Variants in RIOK1 observed in about 807,000 individuals in gnomAD.
The protein encoded by RIOK1 is serine/threonine-protein kinase RIO1.
A neutral mutation model predicts 73.5 loss-of-function variants in RIOK1; 66 were observed. The ratio of observed to expected loss-of-function variants is 0.90; its 90% confidence interval spans 0.74 to 1.10. The LOEUF (loss-of-function observed/expected upper bound fraction) is 1.10. Among genes scored for constraint, RIOK1 ranks in the 50% least tolerant of loss-of-function variants. The pLI, the probability that RIOK1 is intolerant of heterozygous loss-of-function variation, is 0.00. For synonymous variants in RIOK1, 224 were observed against 226.8 expected (o/e 0.99, Z 0.11); for missense variants, 658 against 699.8 (o/e 0.94, Z 0.67).
intron 12 of RIOK1, among the ~76,000 whole-genome samples, chr6:7,408,701 A>C (rs989804564): frequency 1.1e-4 from 16 of 151,062 alleles, no homozygotes; most frequent in African/African-American, 3.6e-4. Context: ...TTTTTAACTT[A>C]GCACTGACTT....
At chr6:7,402,960 C>T in intron 8 of RIOK1, 63 bp downstream of exon 8, 1 of 1,423,878 alleles carries the variant, frequency 7.0e-7, no homozygotes, top group Non-Finnish European at 9.7e-7. Flanking sequence ...AGCCCTTCCT[C>T]CCAGCAGATC....
rs1230765261 is a variant in RIOK1 at position 7,393,133 on chromosome 6, G to T, written c.106G>T (p.Asp36Tyr). The T allele has an allele frequency of 6.2e-7, 1 of 1,613,922 alleles. No individual in the cohort carries two copies. ...AGACTTGAAGACAGTCAAAGAGAAG[G>T]ATGACATTCTGTTTGAAGACCTTCA... Reference protein sequence around the residue: ...NRDLKTVKEKDDILFEDLQDN... With the variant: ...NRDLKTVKEKYDILFEDLQDN... The change falls in exon 2 of 17, where the codon GAT becomes TAT. Residue 36 changes from aspartate (D) to tyrosine (Y), a missense_variant. Asp to Tyr is a radical substitution (Grantham distance 160, BLOSUM62 -3). Coordinates refer to ENST00000379834, the MANE Select transcript of RIOK1 (RefSeq NM_031480.3).
intron 5 of RIOK1, among the ~76,000 whole-genome samples, chr6:7,400,720 G>A (rs1018887309): frequency 3.9e-5 from 6 of 152,152 alleles, no homozygotes; most frequent in African/African-American, 1.4e-4. Flanking sequence ...GGTTGCCTTT[G>A]ATTTCCATGA....
intron 4 of RIOK1, 147 bp downstream of exon 4, chr6:7,396,919 G>GTGTA (rs1400475061): frequency 1.2e-5 from 6 of 517,718 alleles, no homozygotes; most frequent in Non-Finnish European, 1.4e-5. Context: ...GTGTGTGTGT[G>GTGTA]TTTTCCTTAG....
At chr6:7,402,739 G>C in intron 7 of RIOK1, 24 bp downstream of exon 7, 1 of 1,605,664 alleles carries the variant, frequency 6.2e-7, no homozygotes, top group Non-Finnish European at 8.5e-7. Flanking sequence ...TTTCCCTCCA[G>C]TTGGTTTAAT....
chr6:7,398,014 C>A (rs1008112478), intron 4 of RIOK1, among the ~76,000 whole-genome samples: 4 of 152,112 alleles, frequency 2.6e-5, no homozygotes, highest in Non-Finnish European at 1.5e-5. Flanking sequence ...TGGCGGCGGG[C>A]GCCTGTAGTC....
At chr6:7,412,554 G>C (rs2113529085) in intron 14 of RIOK1, among the ~76,000 whole-genome samples, 1 of 151,950 alleles carries the variant, frequency 6.6e-6, no homozygotes, top group Middle Eastern at 3.4e-3. Flanking sequence ...AGGAGGCTGA[G>C]GCAGGAGAAT....
chr6:7,414,462 G>A (rs991261438), intron 16 of RIOK1, 72 bp downstream of exon 16: 3 of 1,332,970 alleles, frequency 2.3e-6, no homozygotes, highest in African/African-American at 2.9e-5. Flanking sequence ...TTTGCTCAAG[G>A]ATCTAGCTAG....
At chr6:7,392,476 A>T (rs1261749060) in intron 1 of RIOK1, among the ~76,000 whole-genome samples, 1 of 151,790 alleles carries the variant, frequency 6.6e-6, no homozygotes, top group Admixed American at 6.6e-5. Flanking sequence ...GTTCAAAGTA[A>T]GACTGCCTTA....
intron 5 of RIOK1, among the ~76,000 whole-genome samples, chr6:7,399,665 T>C (rs945856741): frequency 1.3e-5 from 2 of 152,208 alleles, no homozygotes; most frequent in Non-Finnish European, 2.9e-5. Context: ...TCTGGTTTGT[T>C]ACTTCTTCCT....
chr6:7,411,588 T>C, intron 14 of RIOK1, 137 bp downstream of exon 14: 1 of 858,040 alleles, frequency 1.2e-6, no homozygotes, highest in Non-Finnish European at 1.8e-6. Flanking sequence ...ACTCTATCTG[T>C]GTTAACTTGT....
chr6:7,408,547 C>T (rs991039342), intron 12 of RIOK1, among the ~76,000 whole-genome samples: 1 of 152,128 alleles, frequency 6.6e-6, no homozygotes, highest in African/African-American at 2.4e-5. Context: ...ACTTATTATA[C>T]TAAGTCCCTA....
At chr6:7,395,294 A>T in intron 3 of RIOK1, 151 bp downstream of exon 3, 2 of 754,046 alleles carry the variant, frequency 2.7e-6, no homozygotes, top group Middle Eastern at 3.5e-4. Context: ...TGGGTGGATC[A>T]CCTGAGGTCA....
In RIOK1 at chr6:7,417,461, A is replaced by T; in HGVS notation, c.*20A>T. 1 of 1,422,268 alleles carries T rather than the reference A, an allele frequency of 7.0e-7. No homozygotes were observed. The allele number at this position is 1,422,268 out of a possible 1,614,324, so 88.1% of individuals were successfully genotyped here. Reference sequence around the variant, plus strand: ...AAATAGAATGAGAACCATATTATGTACAGTCATTTTCCTCAGTTCCTTTTC... The same window carrying T: ...AAATAGAATGAGAACCATATTATGTTCAGTCATTTTCCTCAGTTCCTTTTC... On this transcript the variant is annotated 3_prime_UTR_variant, in exon 17 of 17. Coordinates refer to ENST00000379834, the MANE Select transcript of RIOK1 (RefSeq NM_031480.3).
At position 7,417,763 on chromosome 6, in the gene RIOK1, T is replaced by C. The variant is rs1056324363; in HGVS notation, c.*322T>C. ...AAGCATGATAAATGTTTAAATGTAG[T>C]CAACATCTGTAACTCTTACATGAGT... On this transcript the variant is annotated 3_prime_UTR_variant, in exon 17 of 17. Coordinates refer to ENST00000379834, the MANE Select transcript of RIOK1 (RefSeq NM_031480.3). The C allele has an allele frequency of 1.2e-5, 2 of 162,474 alleles. No homozygotes were observed. Among genetic ancestry groups the C allele is most frequent in the Admixed American group, 6.4e-5 (1 of 15,568 alleles). The allele number at this position is 162,474 out of a possible 1,614,324, so 10.1% of individuals were successfully genotyped here.
chr6:7,390,042 G>C lies in RIOK1; in HGVS notation c.40G>C (p.Gly14Arg). ...RRLLMSRVVPGQFDDADSSDS... is the reference protein window; with the variant it reads ...RRLLMSRVVPRQFDDADSSDS... ...GCTTCTCATGAGCCGGGTGGTCCCC[G>C]GGCAATTCGACGACGCGGACTCCTC... Residue 14 changes from glycine to arginine, a missense_variant, in exon 1 of 17, where the codon GGG becomes CGG. Gly to Arg is a moderately radical substitution (Grantham distance 125, BLOSUM62 -2). Transcript: ENST00000379834. 2 of 1,559,142 alleles carry C rather than the reference G, an allele frequency of 1.3e-6. No individual in the cohort carries two copies. The highest frequency in any genetic ancestry group is 1.4e-5 in the African/African-American group (1 of 73,324).
chr6:7,393,723 G>A (rs1761399853), intron 2 of RIOK1, among the ~76,000 whole-genome samples: 2 of 152,184 alleles, frequency 1.3e-5, no homozygotes, highest in African/African-American at 4.8e-5. Context: ...GTAAATAGGT[G>A]CACTTACTTG....
chr6:7,396,324 T>C (rs72821101), intron 3 of RIOK1, among the ~76,000 whole-genome samples: 29 of 152,344 alleles, frequency 1.9e-4, no homozygotes, highest in Non-Finnish European at 3.2e-4. Flanking sequence ...TTGCCTATCA[T>C]AGACTTATAA....
chr6:7,393,611 T>A (rs1357319689), intron 2 of RIOK1, among the ~76,000 whole-genome samples: 2 of 152,192 alleles, frequency 1.3e-5, no homozygotes, highest in Admixed American at 1.3e-4. Flanking sequence ...GGTAAAAAAG[T>A]TCAGCCTCAT....
Sources: gnomAD v4.1 joint callset for allele counts (sites outside exome capture counted in the v4.1 genomes callset) on GRCh38, gnomAD v4.1.1 for gene constraint, MANE v1.5 for transcripts, NCBI Gene and HGNC (gene_info 2026-07-23, HGNC 2026-07-21) for gene names.